The following DCC variants were observed in gnomAD, a reference collection of about 807,000 sequenced individuals.
The protein encoded by DCC is DCC netrin 1 receptor.
Under a neutral mutation model 172.5 loss-of-function variants are expected in DCC, and 58 were observed. The ratio of observed to expected loss-of-function variants is 0.34; its 90% CI spans 0.27 to 0.42. The LOEUF is 0.42. DCC is among the 10% of genes least tolerant of loss of function. The probability of loss-of-function intolerance (pLI) is 1.00; values close to 1 mark genes in which losing one functional copy is unlikely to be tolerated. For missense variants in DCC, 1,740 were observed against 1,791.0 expected (o/e 0.97, Z 0.51); for synonymous variants, 709 against 644.5 (o/e 1.10, Z -1.52).
chr18:53,271,521 A>G (rs1421968106), intron 12 of DCC, among the ~76,000 whole-genome samples: 1 of 152,154 alleles, frequency 6.6e-6, no homozygotes. Flanking sequence ...TTCAAAGCTC[A>G]TACATTTGGC....
At position 52,493,304 on chromosome 18, in the gene DCC, G is replaced by C. The variant is rs546751519; in HGVS notation, c.91+152426G>C. Reference sequence around the variant, plus strand: ...GACTCTGGCAAGTAACATGACCAGAGTCAAAGAAGTCTGCAGGACGGTTGT... The same window carrying C: ...GACTCTGGCAAGTAACATGACCAGACTCAAAGAAGTCTGCAGGACGGTTGT... On this transcript the variant is annotated intron_variant, in intron 1 of 28. Coordinates refer to ENST00000442544, the MANE Select transcript of DCC (RefSeq NM_005215.4). Among the ~76,000 whole-genome samples the C allele has an allele frequency of 5.9e-5, 9 of 152,104 alleles. No individual in the cohort carries two copies. The South Asian group carries it at 1.9e-3, about 32-fold the overall frequency.
chr18:52,459,365 A>G (rs1988556399), intron 1 of DCC, among the ~76,000 whole-genome samples: 1 of 151,984 alleles, frequency 6.6e-6, no homozygotes, highest in African/African-American at 2.4e-5. Context: ...TCCACCCTCA[A>G]GTAGGTACCG....
At chr18:53,522,989 T>G (rs376853218) in intron 27 of DCC, among the ~76,000 whole-genome samples, 6 of 152,178 alleles carry the variant, frequency 3.9e-5, no homozygotes, top group African/African-American at 1.4e-4. Context: ...ACCTACAGAA[T>G]GGGAGAAATT....
chr18:52,896,723 A>G (rs1040407840), intron 2 of DCC, among the ~76,000 whole-genome samples: 4 of 152,196 alleles, frequency 2.6e-5, no homozygotes, highest in Non-Finnish European at 4.4e-5. Flanking sequence ...CCTATAATTA[A>G]TCAAAGATAT....
In DCC at chr18:53,227,431, A is replaced by G. The variant is rs76173093; in HGVS notation, c.1911+11834A>G. 7.4e-3 allele frequency among the ~76,000 whole-genome samples: 1,122 copies of G among 152,318 alleles called. 7 individuals carry two copies. Among genetic ancestry groups the G allele is most frequent in the Admixed American group, 0.023 (358 of 15,290 alleles). ...TTCATTTATTATGTTGTTCTTTCAC[A>G]TAGAAAATGATAGCCTCCATTAGTT... On this transcript the variant is annotated intron_variant, in intron 12 of 28. Coordinates refer to ENST00000442544, the MANE Select transcript of DCC (RefSeq NM_005215.4).
Position 53,450,625 on chromosome 18 carries a change from G to T in DCC, c.3355G>T (p.Val1119Leu), listed in dbSNP as rs1200424248. The stretch of plus-strand genomic sequence containing the variant: ...AGTGCTGGTAGTGGTCATCGTGGCT[G>T]TGATTTGCACCCGACGCTCTTCAGC... ...ITVLVVVIVA[V>L]ICTRRSSAQQ... is the part of the protein sequence containing the mutation. The change falls in exon 23 of 29, where the codon GTG (valine) becomes TTG (leucine). Residue 1119 changes from valine (V) to leucine (L), a missense_variant. Val to Leu is a conservative substitution (Grantham distance 32). Transcript: ENST00000442544. 6.2e-7 allele frequency: 1 copy of T among 1,612,180 alleles called. No homozygotes were observed. The highest frequency in any genetic ancestry group is 1.3e-5 in the African/African-American group (1 of 74,392).
At chr18:52,675,933 G>A (rs2035640279) in intron 1 of DCC, among the ~76,000 whole-genome samples, 1 of 152,034 alleles carries the variant, frequency 6.6e-6, no homozygotes, top group Admixed American at 6.6e-5. Context: ...TGACTATGTG[G>A]GTAGATAACC....
rs377702873 is a variant in DCC, at chr18:52,868,089, G to GTATA, written c.413-37947_413-37944dup. 1.3e-3 allele frequency among the ~76,000 whole-genome samples: 192 copies of GTATA among 149,560 alleles called. 1 individual carries two copies. The highest frequency in any genetic ancestry group is 4.5e-3 in the African/African-American group (182 of 40,706). ...TGTGTGTGTGTGTGTATATATGTGTGTATATATATATGTGTATATTTGTAT... is the reference window on the plus strand; with the variant it reads ...TGTGTGTGTGTGTGTATATATGTGTGTATATATATATATATGTGTATATTTGTAT... On this transcript the variant is annotated intron_variant, in intron 2 of 28. Coordinates refer to ENST00000442544, the MANE Select transcript of DCC (RefSeq NM_005215.4).
intron 18 of DCC, among the ~76,000 whole-genome samples, chr18:53,397,970 A>C (rs1400747969): frequency 8.4e-6 from 1 of 119,266 alleles, no homozygotes; most frequent in African/African-American, 2.6e-5. Context: ...GAAGACCTTT[A>C]TGCAATTTTA....
At chr18:53,496,544 A>G (rs1308334674) in intron 26 of DCC, among the ~76,000 whole-genome samples, 1 of 152,246 alleles carries the variant, frequency 6.6e-6, no homozygotes, top group African/African-American at 2.4e-5. Context: ...AAAAACCAGA[A>G]TGCCTCTTCT....
intron 1 of DCC, among the ~76,000 whole-genome samples, chr18:52,373,924 G>T (rs140045694): frequency 6.7e-5 from 9 of 133,546 alleles, no homozygotes; most frequent in Non-Finnish European, 1.1e-4. Flanking sequence ...ACGGAGTCTC[G>T]CTCTGTCATC....
At chr18:52,521,446 C>T (rs2031812219) in intron 1 of DCC, among the ~76,000 whole-genome samples, 1 of 152,108 alleles carries the variant, frequency 6.6e-6, no homozygotes, top group Non-Finnish European at 1.5e-5. Flanking sequence ...AGATCAAGGT[C>T]TGGTAGGGTT....
intron 2 of DCC, among the ~76,000 whole-genome samples, chr18:52,905,281 T>C (rs2039864458): frequency 6.6e-6 from 1 of 152,232 alleles, no homozygotes; most frequent in South Asian, 2.1e-4. Context: ...CATTTTCACA[T>C]GTTATTTCAT....
rs55871112 is a variant in DCC at position 53,460,056 on chromosome 18, GAA to G, written c.3619+616_3619+617del. Among the ~76,000 whole-genome samples, 745 of 75,912 alleles carry G rather than the reference GAA, an allele frequency of 9.8e-3. 4 individuals carry two copies. Among genetic ancestry groups the G allele is most frequent in the Non-Finnish European group, 0.014 (557 of 38,868 alleles). 49.8% of individuals were successfully genotyped at this position (75,912 alleles called of 152,430 possible). Reference sequence around the variant, plus strand: ...ACTATGTTGTTATACAAAGGGATCTGAAAAAAAAAAAAAAAAAAAGCCTACTG... The same window carrying G: ...ACTATGTTGTTATACAAAGGGATCTGAAAAAAAAAAAAAAAAAGCCTACTG... On this transcript the variant is annotated intron_variant, in intron 24 of 28. Transcript: ENST00000442544.
At chr18:53,226,967 T>TTTTTTTTTTTTA (rs2056043067) in intron 12 of DCC, among the ~76,000 whole-genome samples, 1 of 133,126 alleles carries the variant, frequency 7.5e-6, no homozygotes, top group Admixed American at 7.6e-5. Context: ...TTTTTTTTTT[T>TTTTTTTTTTTTA]GAGGCAGAGT....
At position 53,005,243 on chromosome 18, in the gene DCC, A is replaced by T. The variant is rs183720408; in HGVS notation, c.986-58062A>T. On this transcript the variant is annotated intron_variant, in intron 5 of 28. Coordinates refer to ENST00000442544, the MANE Select transcript of DCC (RefSeq NM_005215.4). ...TATGACCATAGTAAAAAATAATTGAAGCAGTTATCTATTTAACTGAAGAAT... is the reference window on the plus strand; with the variant it reads ...TATGACCATAGTAAAAAATAATTGATGCAGTTATCTATTTAACTGAAGAAT... 3.3e-5 allele frequency among the ~76,000 whole-genome samples: 5 copies of T among 152,324 alleles called. No homozygotes were observed. In the East Asian group the frequency reaches 9.6e-4, roughly 29 times the overall value.
At chr18:53,085,982 TCTTCTTCTCCTTCTC>T (rs1568294112) in intron 7 of DCC, among the ~76,000 whole-genome samples, 4 of 65,584 alleles carry the variant, frequency 6.1e-5, no homozygotes, top group African/African-American at 4.7e-4. Context: ...TTCTTCTTCT[TCTTCTTCTCCTTCTC>T]CTTCTTCTCC....
intron 1 of DCC, among the ~76,000 whole-genome samples, chr18:52,572,251 C>A (rs184883715): frequency 1.3e-5 from 2 of 152,250 alleles, no homozygotes; most frequent in East Asian, 3.9e-4. Flanking sequence ...ATATAAATAT[C>A]CCCCTCGTCG....
In DCC at chr18:52,415,808, T is replaced by A. The variant is rs377753138; in HGVS notation, c.91+74930T>A. Among the ~76,000 whole-genome samples, 7 of 152,312 alleles carry A rather than the reference T, an allele frequency of 4.6e-5. No homozygotes were observed. In the South Asian group the frequency reaches 8.3e-4, roughly 18 times the overall value. Reference sequence around the variant, plus strand: ...GCTAGTGGTCTATCAATTTTGTTGATCCTTTCAAAAAACCAGCTCCTGGAT... The same window carrying A: ...GCTAGTGGTCTATCAATTTTGTTGAACCTTTCAAAAAACCAGCTCCTGGAT... On this transcript the variant is annotated intron_variant, in intron 1 of 28. Transcript: ENST00000442544.
Sources: gnomAD v4.1 joint callset for allele counts (sites outside exome capture counted in the v4.1 genomes callset) on GRCh38, gnomAD v4.1.1 for gene constraint, MANE v1.5 for transcripts, NCBI Gene and HGNC (gene_info 2026-07-23, HGNC 2026-07-21) for gene names.